Variants in KTN1 observed in about 807,000 individuals in gnomAD.
KTN1 encodes the protein kinectin.
A neutral mutation model predicts 222.5 loss-of-function variants in KTN1; 130 were observed. That is an observed-to-expected ratio of 0.58 (90% CI 0.51 to 0.68). The LOEUF (loss-of-function observed/expected upper bound fraction) is 0.68, where lower values mean the gene tolerates loss of function less well. Ranked by LOEUF, KTN1 falls within the 30% of genes least tolerant of loss-of-function variation. The pLI is 0.00. For synonymous variants in KTN1, 512 were observed against 496.3 expected, an observed-to-expected ratio of 1.03 and a Z score of -0.42; for missense variants, 1,508 against 1,500.4, an observed-to-expected ratio of 1.01 and a Z score of -0.08.
chr14:55,653,598 T>C lies in KTN1; in HGVS notation c.2801+2T>C. On this transcript the variant is annotated splice_donor_variant, in intron 28 of 43. Transcript: ENST00000395314. LOFTEE classifies it high-confidence loss of function. ...ACAGTTTGAAGAACTTGAGATTGTG[T>C]AAGTATGCTTTAAGACCACATTTTG... 1 of 1,606,804 alleles carries C rather than the reference T, an allele frequency of 6.2e-7. No individual in the cohort carries two copies. The highest frequency in any genetic ancestry group is 8.5e-7 in the Non-Finnish European group (1 of 1,173,992).
At chr14:55,632,147 T>C (rs1041150806) in intron 7 of KTN1, among the ~76,000 whole-genome samples, 1 of 152,330 alleles carries the variant, frequency 6.6e-6, no homozygotes, top group East Asian at 1.9e-4. Context: ...TTTGAGTTAG[T>C]GAAGAACTGA....
intron 1 of KTN1, among the ~76,000 whole-genome samples, chr14:55,580,736 C>G (rs1436625932): frequency 6.6e-6 from 1 of 152,130 alleles, no homozygotes; most frequent in Non-Finnish European, 1.5e-5. Context: ...CTATTTTTAG[C>G]CAAGCCTGAG....
chr14:55,593,452 A>G (rs1182564094), intron 1 of KTN1, among the ~76,000 whole-genome samples: 2 of 142,856 alleles, frequency 1.4e-5, no homozygotes, highest in African/African-American at 2.5e-5. Flanking sequence ...CCCCCAAAAA[A>G]AAAAAAAGAA....
Position 55,670,817 on chromosome 14 carries a change from C to T in KTN1, c.3348+8C>T, listed in dbSNP as rs1224919198. On this transcript the variant is annotated splice_region_variant and intron_variant, in intron 35 of 43. Coordinates refer to ENST00000395314, the MANE Select transcript of KTN1 (RefSeq NM_001079521.2). ...GGGTCAGAGGAGGTTAAGGTTAGTT[C>T]AGCAAATGAACTGTTTGTAATTTAA... 5 of 1,566,078 alleles carry T rather than the reference C, an allele frequency of 3.2e-6. No individual in the cohort carries two copies. The highest frequency in any genetic ancestry group is 4.4e-6 in the Non-Finnish European group (5 of 1,143,968).
intron 5 of KTN1, among the ~76,000 whole-genome samples, chr14:55,621,061 A>G (rs1001189093): frequency 6.6e-6 from 1 of 152,044 alleles, no homozygotes; most frequent in Non-Finnish European, 1.5e-5. Flanking sequence ...CATCTCCCTC[A>G]AGTCTCCCTC....
chr14:55,655,080 C>G (rs956803951), intron 28 of KTN1, among the ~76,000 whole-genome samples: 1 of 152,116 alleles, frequency 6.6e-6, no homozygotes, highest in Non-Finnish European at 1.5e-5. Context: ...CCAGGACATC[C>G]TGGGCTCAAG....
Position 55,649,790 on chromosome 14 carries a change from T to A in KTN1, c.2382T>A (p.Ser794=). 1.3e-6 allele frequency: 2 copies of A among 1,523,322 alleles called. No individual in the cohort carries two copies. The highest frequency in any genetic ancestry group is 3.4e-4 in the Middle Eastern group (2 of 5,872). 94.4% of individuals were successfully genotyped at this position (1,523,322 alleles called of 1,614,324 possible). A position where few individuals can be genotyped will look rare whatever the true frequency, so the allele number is the denominator to read the frequency against. The change falls in exon 22 of 44, where the codon TCT becomes TCA. Residue 794 remains serine, a synonymous_variant. Coordinates refer to ENST00000395314, the MANE Select transcript of KTN1 (RefSeq NM_001079521.2). The part of the protein sequence containing the change: ...AKQNDQVSFA[S]LVEELKKVIH... ...CCTATTTCCAGGTTTCTTTTGCCTC[T>A]CTAGTTGAAGAACTTAAGAAAGTGT...
At chr14:55,606,089 GTTT>G (rs991573781) in intron 1 of KTN1, among the ~76,000 whole-genome samples, 1 of 151,652 alleles carries the variant, frequency 6.6e-6, no homozygotes, top group Admixed American at 6.6e-5. Flanking sequence ...GTTGTTTTTT[GTTT>G]TTTTTAACCT....
chr14:55,581,035 CT>C (rs1457322019), intron 1 of KTN1, among the ~76,000 whole-genome samples: 2 of 152,258 alleles, frequency 1.3e-5, no homozygotes, highest in Middle Eastern at 3.2e-3. Flanking sequence ...GAAGTTATCC[CT>C]TCCTGTCCCC....
chr14:55,651,803 G>A (rs1453910766), intron 24 of KTN1, 87 bp from the exon 25 acceptor site: 25 of 818,928 alleles, frequency 3.1e-5, no homozygotes, highest in Non-Finnish European at 4.7e-5. Flanking sequence ...TTTGTAATTT[G>A]AAGTGTACAC....
rs1355757219 is a variant in KTN1, at chr14:55,652,846, T to C, written c.2604-4T>C. 2 of 1,567,766 alleles carry C rather than the reference T, an allele frequency of 1.3e-6. No individual in the cohort carries two copies. The highest frequency in any genetic ancestry group is 1.7e-6 in the Non-Finnish European group (2 of 1,152,120). ...ATTTAGAGTTCTGATTAATTTATTA[T>C]CAGATTAAAAGGAAAAGAGGAACAG... On this transcript the variant is annotated splice_region_variant and splice_polypyrimidine_tract_variant and intron_variant, in intron 25 of 43. Transcript: ENST00000395314.
chr14:55,621,663 G>A (rs1022824982), intron 5 of KTN1, among the ~76,000 whole-genome samples: 13 of 151,866 alleles, frequency 8.6e-5, no homozygotes, highest in Admixed American at 5.9e-4. Context: ...ATCTCCCACC[G>A]AGCCTCTCCC....
chr14:55,642,764 C>T (rs2041929632), intron 18 of KTN1, among the ~76,000 whole-genome samples: 1 of 152,106 alleles, frequency 6.6e-6, no homozygotes, highest in Non-Finnish European at 1.5e-5. Context: ...TCCATTTATT[C>T]TACCTCCCCG....
chr14:55,636,518 C>A lies in KTN1; in HGVS notation c.1531C>A (p.His511Asn). Residue 511 changes from histidine to asparagine, a missense_variant, in exon 10 of 44, where the codon CAT (histidine) becomes AAT (asparagine). His to Asn is a moderately conservative substitution (Grantham distance 68, BLOSUM62 1). Transcript: ENST00000395314. ...CTACATCAGGAAGAGAACAGCGGAA[C>A]ATGAGGCAGCACAGCAAGGTAAGGG... ...QSYIRKRTAE[H>N]EAAQQDLQSK... 1 of 1,609,364 alleles carries A rather than the reference C, an allele frequency of 6.2e-7. No individual in the cohort carries two copies.
intron 25 of KTN1, among the ~76,000 whole-genome samples, chr14:55,652,151 A>G (rs2141124884): frequency 6.6e-6 from 1 of 152,294 alleles, no homozygotes; most frequent in South Asian, 2.1e-4. Flanking sequence ...TATAATCTGA[A>G]TATAACCTCA....
rs559209276 is a variant in KTN1 at position 55,603,779 on chromosome 14, C to T, written c.-30-8240C>T. 3.9e-5 allele frequency among the ~76,000 whole-genome samples: 6 copies of T among 152,328 alleles called. No individual in the cohort carries two copies. The East Asian group carries it at 9.7e-4, about 25-fold the overall frequency. On this transcript the variant is annotated intron_variant, in intron 1 of 43. Coordinates refer to ENST00000395314, the MANE Select transcript of KTN1 (RefSeq NM_001079521.2). ...ACATCTCCACTTACCTAAAACCTAA[C>T]TCCTTATCTCCAGCCTTAACCATGT...
At chr14:55,643,550 A>C (rs963033201) in intron 18 of KTN1, among the ~76,000 whole-genome samples, 2 of 152,184 alleles carry the variant, frequency 1.3e-5, no homozygotes, top group Non-Finnish European at 2.9e-5. Flanking sequence ...TAAACTTTAA[A>C]ATTAACTTCA....
rs771130384 is a variant in KTN1, at chr14:55,646,473, T to TTC, written c.2173-500_2173-499insTC. ...TTTTCCTTTTCCTTTTCCTTTCCTT[T>TTC]CCTTTCCTTTCCTTTCCTTTCCTTT... On this transcript the variant is annotated intron_variant, in intron 18 of 43. Coordinates refer to ENST00000395314, the MANE Select transcript of KTN1 (RefSeq NM_001079521.2). Among the ~76,000 whole-genome samples, 33 of 51,260 alleles carry TTC rather than the reference T, an allele frequency of 6.4e-4. 1 individual carries two copies. The highest frequency in any genetic ancestry group is 3.7e-3 in the South Asian group (5 of 1,344). 33.6% of individuals were successfully genotyped at this position (51,260 alleles called of 152,430 possible).
Position 55,612,061 on chromosome 14 carries a change from G to C in KTN1, c.13G>C (p.Glu5Gln). Residue 5 changes from glutamate (E) to glutamine (Q), a missense_variant, in exon 2 of 44, where the codon GAG (glutamate) becomes CAG (glutamine). Transcript: ENST00000395314. MEFY[E>Q]SAYFIVLIPS... ...TGACAAAAGTACCATGGAGTTTTAT[G>C]AGTCAGCATATTTTATTGTTCTTAT... 6.9e-7 allele frequency: 1 copy of C among 1,455,932 alleles called. No individual in the cohort carries two copies. Among genetic ancestry groups the C allele is most frequent in the Non-Finnish European group, 9.1e-7 (1 of 1,103,566 alleles). 90.2% of individuals were successfully genotyped at this position (1,455,932 alleles called of 1,614,324 possible).
Sources: gnomAD v4.1 joint callset for allele counts (sites outside exome capture counted in the v4.1 genomes callset) on GRCh38, gnomAD v4.1.1 for gene constraint, MANE v1.5 for transcripts, NCBI Gene and HGNC (gene_info 2026-07-23, HGNC 2026-07-21) for gene names.